Variants in SPTBN1 observed in about 807,000 individuals in gnomAD.
SPTBN1 encodes spectrin beta chain, non-erythrocytic 1.
A neutral mutation model predicts 266.4 loss-of-function variants in SPTBN1; 32 were observed. The observed-to-expected ratio is 0.12, with a 90% CI of 0.09 to 0.16. The LOEUF is 0.16. SPTBN1 is among the 10% of genes least tolerant of loss of function. The pLI is 1.00. For missense variants in SPTBN1, 2,296 were observed against 3,067.1 expected, an observed-to-expected ratio of 0.75 and a Z score of 5.94; for synonymous variants, 1,336 against 1,162.2, an observed-to-expected ratio of 1.15 and a Z score of -3.04.
chr2:54,645,536 T>A lies in SPTBN1; in HGVS notation c.4494+83T>A, dbSNP rs2104059919. 6.9e-7 allele frequency: 1 copy of A among 1,456,772 alleles called. No homozygotes were observed. The highest frequency in any genetic ancestry group is 1.3e-5 in the South Asian group (1 of 78,420). The allele number at this position is 1,456,772 out of a possible 1,614,324, so 90.2% of individuals were successfully genotyped here. ...AGCCCACATTCTCACTTCTCAGTCATCCTCACCTTGGGCCACGTTGGCAAG... is the reference window on the plus strand; with the variant it reads ...AGCCCACATTCTCACTTCTCAGTCAACCTCACCTTGGGCCACGTTGGCAAG... On this transcript the variant is annotated intron_variant, in intron 21 of 35. Coordinates refer to ENST00000356805, the MANE Select transcript of SPTBN1 (RefSeq NM_003128.3). This position sits in a 1 kb window ranked among gnomAD's most constrained non-coding sequence, Gnocchi z 4.3.
rs184617216 is a variant in SPTBN1, at chr2:54,659,881, T to C, written c.6357-55T>C. ...TGTTCTCCCACCCTTTCTTACTGTT[T>C]CCTCTTTCTCCTCTTCTTCCTTTCC... On this transcript the variant is annotated intron_variant, in intron 31 of 35. Transcript: ENST00000356805. 1.9e-6 allele frequency: 3 copies of C among 1,581,250 alleles called. No individual in the cohort carries two copies. The African/African-American group carries it at 4.1e-5, about 21-fold the overall frequency.
chr2:54,667,504 C>T (rs1407869202), intron 34 of SPTBN1, 100 bp from the exon 35 acceptor site: 3 of 1,151,806 alleles, frequency 2.6e-6, no homozygotes, highest in Non-Finnish European at 3.8e-6. Context: ...TCTGTTGTGA[C>T]TCCTGTGGTC....
At chr2:54,542,976 C>G (rs1672022510) in intron 2 of SPTBN1, among the ~76,000 whole-genome samples, 1 of 152,170 alleles carries the variant, frequency 6.6e-6, no homozygotes, top group South Asian at 2.1e-4. Flanking sequence ...TGTATTCTGT[C>G]CAGCCTTTGG....
In SPTBN1 at chr2:54,612,989, T is replaced by C. The variant is rs140955178; in HGVS notation, c.474+655T>C. The stretch of plus-strand genomic sequence containing the variant: ...GTCATTTTGTCCACTTCTTTCACTT[T>C]ATGAAGAAATCGGGGACCCACAGAA... On this transcript the variant is annotated intron_variant, in intron 4 of 35. Transcript: ENST00000356805. Among the ~76,000 whole-genome samples, 145 of 152,320 alleles carry C rather than the reference T, an allele frequency of 9.5e-4. 1 individual carries two copies. The highest frequency in any genetic ancestry group is 3.4e-3 in the African/African-American group (143 of 41,564).
chr2:54,655,866 T>C, intron 28 of SPTBN1, 48 bp from the exon 29 acceptor site: 1 of 1,421,420 alleles, frequency 7.0e-7, no homozygotes, highest in South Asian at 1.2e-5. Context: ...ATCAAGAGGA[T>C]GTGGTGCATT....
intron 17 of SPTBN1, among the ~76,000 whole-genome samples, chr2:54,633,555 G>A (rs1012882657): frequency 6.6e-6 from 1 of 152,146 alleles, no homozygotes; most frequent in Non-Finnish European, 1.5e-5. Context: ...TTGGAGGTTG[G>A]GGCAGATCAG....
At chr2:54,619,773 A>G (rs1199833379) in intron 7 of SPTBN1, among the ~76,000 whole-genome samples, 3 of 152,178 alleles carry the variant, frequency 2.0e-5, no homozygotes, top group Non-Finnish European at 2.9e-5. Context: ...CTGAGCGGAC[A>G]CAGGAGCCCT....
At chr2:54,497,281 T>C (rs986907311) in intron 1 of SPTBN1, among the ~76,000 whole-genome samples, 1 of 152,232 alleles carries the variant, frequency 6.6e-6, no homozygotes, top group African/African-American at 2.4e-5. Flanking sequence ...GTTACAGGTA[T>C]TATATTGGCT....
At chr2:54,583,780 T>A (rs1052270637) in intron 2 of SPTBN1, among the ~76,000 whole-genome samples, 1 of 152,222 alleles carries the variant, frequency 6.6e-6, no homozygotes, top group South Asian at 2.1e-4. Context: ...TAGGACCTTT[T>A]GTGATGCCCC....
chr2:54,566,909 C>T (rs945289889), intron 2 of SPTBN1, among the ~76,000 whole-genome samples: 6 of 152,078 alleles, frequency 3.9e-5, no homozygotes, highest in African/African-American at 1.4e-4. Flanking sequence ...GTTGTTGGCA[C>T]TAACTTAGAC....
intron 1 of SPTBN1, among the ~76,000 whole-genome samples, chr2:54,463,811 C>A (rs7579041): frequency 0.16 from 24,507 of 152,006 alleles, 2,074 homozygotes; most frequent in African/African-American, 0.19. Flanking sequence ...TGTATTAAAC[C>A]TGTTCCTATA....
rs778787950 is a variant in SPTBN1 at position 54,664,710 on chromosome 2, GC to G, written c.6659+21del. ...CAAGCAGGTAACAGCAGCAGAGGCT[GC>G]CACAGTAAGATGGGAAGTCAGCCTG... On this transcript the variant is annotated intron_variant, in intron 33 of 35. Coordinates refer to ENST00000356805, the MANE Select transcript of SPTBN1 (RefSeq NM_003128.3). This position sits in a 1 kb window ranked among gnomAD's most constrained non-coding sequence, Gnocchi z 5.6. The G allele has an allele frequency of 6.2e-7, 1 of 1,610,464 alleles. No individual in the cohort carries two copies. Among genetic ancestry groups the G allele is most frequent in the African/African-American group, 1.3e-5 (1 of 74,816 alleles).
chr2:54,541,839 T>C (rs1411102471), intron 2 of SPTBN1, among the ~76,000 whole-genome samples: 1 of 152,208 alleles, frequency 6.6e-6, no homozygotes, highest in African/African-American at 2.4e-5. Flanking sequence ...CATAAATGTA[T>C]GTTTATGGGT....
At chr2:54,536,095 T>C (rs1671583661) in intron 2 of SPTBN1, among the ~76,000 whole-genome samples, 1 of 152,160 alleles carries the variant, frequency 6.6e-6, no homozygotes, top group Non-Finnish European at 1.5e-5. Context: ...TAAAGGCCTA[T>C]TGGTGGGTGT....
At chr2:54,470,026 C>T (rs1267713359) in intron 1 of SPTBN1, among the ~76,000 whole-genome samples, 1 of 152,188 alleles carries the variant, frequency 6.6e-6, no homozygotes. Context: ...AATCAACACC[C>T]AGGGCTAAAG....
intron 2 of SPTBN1, among the ~76,000 whole-genome samples, chr2:54,566,191 T>C (rs920395088): frequency 4.2e-5 from 6 of 143,986 alleles, no homozygotes; most frequent in African/African-American, 1.1e-4. Flanking sequence ...TTTTCTTTTT[T>C]TTTTTTTTTT....
intron 35 of SPTBN1, among the ~76,000 whole-genome samples, chr2:54,667,949 C>A (rs1313182889): frequency 6.6e-6 from 1 of 152,194 alleles, no homozygotes; most frequent in African/African-American, 2.4e-5. Flanking sequence ...ATGGGACCCC[C>A]GCTGCACCCT....
At chr2:54,516,335 A>C (rs1670107783) in intron 1 of SPTBN1, 1 of 152,210 alleles carries the variant, frequency 6.6e-6, no homozygotes, top group African/African-American at 2.4e-5. Context: ...ACCGCACCCC[A>C]GAAAGAGTAA....
At chr2:54,482,677 A>G (rs1370719097) in intron 1 of SPTBN1, among the ~76,000 whole-genome samples, 1 of 152,242 alleles carries the variant, frequency 6.6e-6, no homozygotes, top group Non-Finnish European at 1.5e-5. Context: ...CTCAGTAGCC[A>G]CACATGGCTC....
Sources: gnomAD v4.1 joint callset for allele counts (sites outside exome capture counted in the v4.1 genomes callset) on GRCh38, gnomAD v4.1.1 for gene constraint, Gnocchi (gnomAD v3.1) non-coding constraint, MANE v1.5 for transcripts, NCBI Gene and HGNC (gene_info 2026-07-23, HGNC 2026-07-21) for gene names.